MYCBP2: variants seen among roughly 807,000 people sequenced by gnomAD.
MYCBP2 encodes the protein MYC binding protein 2.
Under a neutral mutation model 525.3 loss-of-function variants are expected in MYCBP2, and 120 were observed. The observed-to-expected ratio is 0.23, with a 90% CI of 0.20 to 0.27. The LOEUF (loss-of-function observed/expected upper bound fraction) is 0.27. Ranked by LOEUF, MYCBP2 falls within the 10% of genes least tolerant of loss-of-function variation. The pLI, the probability that MYCBP2 is intolerant of heterozygous loss-of-function variation, is 1.00. For missense variants in MYCBP2, 4,149 were observed against 5,657.1 expected (o/e 0.73, Z 8.55); for synonymous variants, 1,894 against 1,955.8 (o/e 0.97, Z 0.83).
intron 28 of MYCBP2, among the ~76,000 whole-genome samples, chr13:77,190,987 T>C (rs990460155): frequency 2.0e-5 from 3 of 152,206 alleles, no homozygotes; most frequent in African/African-American, 7.2e-5. Context: ...TTACAAATGA[T>C]AGTCCTTTAG....
rs1304341765 is a variant in MYCBP2 at position 77,314,723 on chromosome 13, T to A, written c.302+11751A>T. 2.0e-5 allele frequency among the ~76,000 whole-genome samples: 3 copies of A among 152,172 alleles called. No individual in the cohort carries two copies. In the East Asian group the frequency reaches 5.8e-4, roughly 29 times the overall value. On this transcript the variant is annotated intron_variant, in intron 1 of 82. Coordinates refer to ENST00000544440, the MANE Select transcript of MYCBP2 (RefSeq NM_015057.5). ...ACATTTTTCTGAACCAAAAAATGTA[T>A]AACCCCAAGAGTGAACCCTAATGTA...
intron 52 of MYCBP2, among the ~76,000 whole-genome samples, chr13:77,138,766 C>T: frequency 6.6e-6 from 1 of 151,266 alleles, no homozygotes; most frequent in South Asian, 2.1e-4. Context: ...CAAAATTAGA[C>T]AGAACACACA....
chr13:77,097,401 C>G lies in MYCBP2; in HGVS notation c.9753G>C (p.Pro3251=). 6.2e-7 allele frequency: 1 copy of G among 1,610,138 alleles called. No individual in the cohort carries two copies. The highest frequency in any genetic ancestry group is 8.5e-7 in the Non-Finnish European group (1 of 1,178,778). ...GAGCTTGTCTCATGTGATAGGTCACCGGGTATGGATGTGACTCCCCACACA... is the reference window on the plus strand; with the variant it reads ...GAGCTTGTCTCATGTGATAGGTCACGGGGTATGGATGTGACTCCCCACACA... The part of the protein sequence containing the change: ...CELCGESHPY[P]VTYHMRQAHP... Residue 3251 remains proline (P), a synonymous_variant, in exon 56 of 83, where the codon CCG becomes CCC. Transcript: ENST00000544440.
chr13:77,317,171 C>G (rs1360108232), intron 1 of MYCBP2, among the ~76,000 whole-genome samples: 10 of 152,236 alleles, frequency 6.6e-5, no homozygotes, highest in Non-Finnish European at 1.3e-4. Context: ...GAGCTGGTTT[C>G]GAACTCCTGA....
intron 1 of MYCBP2, among the ~76,000 whole-genome samples, chr13:77,324,513 C>T (rs1240795818): frequency 6.6e-6 from 1 of 152,142 alleles, no homozygotes; most frequent in Non-Finnish European, 1.5e-5. Flanking sequence ...TAGTTGCAGG[C>T]TACTTTTTGT....
At chr13:77,323,653 G>A (rs1022328612) in intron 1 of MYCBP2, among the ~76,000 whole-genome samples, 1 of 152,212 alleles carries the variant, frequency 6.6e-6, no homozygotes, top group African/African-American at 2.4e-5. Context: ...TTCCAAGACG[G>A]CAGAGACTTT....
Position 77,125,417 on chromosome 13 carries a change from C to T in MYCBP2, c.7936G>A (p.Glu2646Lys). 2.5e-6 allele frequency: 4 copies of T among 1,613,998 alleles called. No homozygotes were observed. The highest frequency in any genetic ancestry group is 3.4e-6 in the Non-Finnish European group (4 of 1,179,876). The change falls in exon 54 of 83, where the codon GAG (glutamate) becomes AAG (lysine). Residue 2646 changes from glutamate (E) to lysine (K), a missense_variant. By Grantham distance (56) the Glu-to-Lys change is moderately conservative. Coordinates refer to ENST00000544440, the MANE Select transcript of MYCBP2 (RefSeq NM_015057.5). The stretch of plus-strand genomic sequence containing the variant: ...TCTCCTTCATCACTCTCACAGAACT[C>T]TACCATGCTGTTCTGATCCAGTTGC... ...WVQLDQNSMV[E>K]FCESDEGEAW...
chr13:77,060,813 A>G (rs1164883113), intron 76 of MYCBP2, among the ~76,000 whole-genome samples: 1 of 152,156 alleles, frequency 6.6e-6, no homozygotes, highest in Non-Finnish European at 1.5e-5. Flanking sequence ...AGCAATTTTT[A>G]TTGTGGGGCA....
intron 7 of MYCBP2, among the ~76,000 whole-genome samples, chr13:77,269,382 T>A (rs908245523): frequency 1.3e-5 from 2 of 152,166 alleles, no homozygotes; most frequent in Non-Finnish European, 2.9e-5. Context: ...AGGCCTGTAA[T>A]CCCAGCACTC....
At chr13:77,267,134 TCAA>T (rs1277795046) in intron 8 of MYCBP2, among the ~76,000 whole-genome samples, 1 of 151,928 alleles carries the variant, frequency 6.6e-6, no homozygotes, top group Non-Finnish European at 1.5e-5. Context: ...TCAGAAAGTA[TCAA>T]CATTATAAAC....
chr13:77,326,400 CGCGG>C lies in MYCBP2; in HGVS notation c.302+70_302+73del, dbSNP rs1305358160. On this transcript the variant is annotated intron_variant, in intron 1 of 82. Coordinates refer to ENST00000544440, the MANE Select transcript of MYCBP2 (RefSeq NM_015057.5). This position sits in a 1 kb window ranked among gnomAD's most constrained non-coding sequence, Gnocchi z 4.2. The stretch of plus-strand genomic sequence containing the variant: ...GTACACACACGCAAGCACACACACA[CGCGG>C]GTGCACGCGCGGCATGGGGCGCAAG... The C allele has an allele frequency of 7.1e-7, 1 of 1,406,510 alleles. No individual in the cohort carries two copies. Among genetic ancestry groups the C allele is most frequent in the East Asian group, 2.7e-5 (1 of 37,730 alleles). 87.1% of individuals were successfully genotyped at this position (1,406,510 alleles called of 1,614,324 possible).
chr13:77,183,506 C>T (rs1199975953), intron 32 of MYCBP2, among the ~76,000 whole-genome samples: 1 of 142,932 alleles, frequency 7.0e-6, no homozygotes, highest in Non-Finnish European at 1.5e-5. Context: ...AAAAATTCAC[C>T]AGTATAAAGT....
chr13:77,214,724 T>G (rs1267961392), intron 21 of MYCBP2, among the ~76,000 whole-genome samples: 1 of 152,214 alleles, frequency 6.6e-6, no homozygotes, highest in African/African-American at 2.4e-5. Context: ...TTAGGTGATA[T>G]GGTGTAGCCT....
At chr13:77,137,975 T>A (rs894903813) in intron 52 of MYCBP2, among the ~76,000 whole-genome samples, 1 of 152,226 alleles carries the variant, frequency 6.6e-6, no homozygotes, top group Admixed American at 6.5e-5. Flanking sequence ...GTGGTTGCTA[T>A]AATTATCTCT....
intron 79 of MYCBP2, among the ~76,000 whole-genome samples, chr13:77,056,364 G>C (rs990947947): frequency 6.6e-6 from 1 of 151,960 alleles, no homozygotes; most frequent in Non-Finnish European, 1.5e-5. Flanking sequence ...ATATTAGTTT[G>C]CAAATACGAA....
chr13:77,257,766 C>G lies in MYCBP2; in HGVS notation c.2081G>C (p.Cys694Ser), dbSNP rs1176647029. Reference protein sequence around the residue: ...TQVAMGKAHTCVLMKNGEVWT... With the variant: ...TQVAMGKAHTSVLMKNGEVWT... Reference sequence around the variant, plus strand: ...CACCTCTCCATTCTTCATTAAAACACAAGTGTGAGCTTTGCCCATAGCTAC... The same window carrying G: ...CACCTCTCCATTCTTCATTAAAACAGAAGTGTGAGCTTTGCCCATAGCTAC... The change falls in exon 14 of 83, where the codon TGT (cysteine) becomes TCT (serine). Residue 694 changes from cysteine (C) to serine (S), a missense_variant. Transcript: ENST00000544440. The G allele has an allele frequency of 6.2e-7, 1 of 1,613,500 alleles. No individual in the cohort carries two copies. Among genetic ancestry groups the G allele is most frequent in the Admixed American group, 1.7e-5 (1 of 59,870 alleles).
At chr13:77,189,882 A>G (rs1429061637) in intron 29 of MYCBP2, among the ~76,000 whole-genome samples, 3 of 152,128 alleles carry the variant, frequency 2.0e-5, no homozygotes, top group Admixed American at 2.0e-4. Flanking sequence ...CCAGGCCTGC[A>G]TCTATAGTCC....
Position 77,139,280 on chromosome 13 carries a change from A to G in MYCBP2, c.7575T>C (p.Tyr2525=). The G allele has an allele frequency of 6.2e-7, 1 of 1,613,924 alleles. No individual in the cohort carries two copies. The highest frequency in any genetic ancestry group is 8.5e-7 in the Non-Finnish European group (1 of 1,179,848). ...CAGTGTAACCATTCATGTTAGGGAC[A>G]TACTTCTTTATTGTCTCATCATTCA... ...LRLNDETIKK[Y]VPNMNGYTEA... is the part of the protein sequence containing the mutation. The change falls in exon 52 of 83, where the codon TAT becomes TAC. Residue 2525 remains tyrosine, a synonymous_variant. Transcript: ENST00000544440.
rs746937184 is a variant in MYCBP2 at position 77,098,813 on chromosome 13, A to G, written c.8341T>C (p.Ser2781Pro). 1 of 1,613,544 alleles carries G rather than the reference A, an allele frequency of 6.2e-7. No homozygotes were observed. Among genetic ancestry groups the G allele is most frequent in the South Asian group, 1.1e-5 (1 of 91,056 alleles). ...ILKSDAAKLR[S>P]DSHSRSLSPN... ...GATAATGACCTACTGTGGGAATCTG[A>G]CCTCAACTTTGCAGCATCAGATTTT... Residue 2781 changes from serine (S) to proline (P), a missense_variant, in exon 56 of 83, where the codon TCA becomes CCA. Physicochemically the swap from Ser to Pro is moderately conservative, Grantham distance 74. Around this residue, in one of 21 missense-constraint regions of MYCBP2, gnomAD observed 653 missense variants for 744.7 expected, o/e 0.88. Transcript: ENST00000544440.
Sources: allele counts gnomAD v4.1 joint callset (sites outside exome capture counted in the v4.1 genomes callset), GRCh38; gene constraint gnomAD v4.1.1; regional missense constraint gnomAD v4.1.1; non-coding constraint Gnocchi (gnomAD v3.1); transcripts MANE v1.5; gene names NCBI Gene and HGNC (gene_info 2026-07-23, HGNC 2026-07-21).